SLC6A14: variants seen among roughly 807,000 people sequenced by gnomAD.
SLC6A14 encodes solute carrier family 6 member 14, also known as sodium- and chloride-dependent neutral and basic amino acid transporter B(0+).
A neutral mutation model predicts 51.4 loss-of-function variants in SLC6A14; 21 were observed. The observed-to-expected ratio is 0.41, with a 90% CI of 0.29 to 0.59. The LOEUF (loss-of-function observed/expected upper bound fraction) is 0.59, where lower values mean the gene tolerates loss of function less well. Among genes scored for constraint, SLC6A14 ranks in the 20% least tolerant of loss-of-function variants. The pLI is 0.31. For missense variants in SLC6A14, 371 were observed against 472.8 expected (o/e 0.78, Z 2.00); for synonymous variants, 177 against 160.7 (o/e 1.10, Z -0.77).
In SLC6A14 at chrX:116,457,733, T is replaced by C. The variant is rs782152212; in HGVS notation, c.1739T>C (p.Met580Thr). The C allele has an allele frequency of 1.2e-5, 15 of 1,201,418 alleles. No homozygotes were observed. Among genetic ancestry groups the C allele is most frequent in the Non-Finnish European group, 1.7e-5 (15 of 887,728 alleles). Reference protein sequence around the residue: ...IVFCIIWIPIMAIIKIIQAKG... With the variant: ...IVFCIIWIPITAIIKIIQAKG... ...TTCTGCATTATTTGGATTCCAATTA[T>C]GGCTATCATAAAAATAATTCAGGCT... Residue 580 changes from methionine (M) to threonine (T), a missense_variant, in exon 13 of 14, where the codon ATG becomes ACG. Met to Thr is a moderately conservative substitution (Grantham distance 81). Around this residue, in one of 2 missense-constraint regions of SLC6A14, gnomAD observed 94 missense variants for 81.0 expected, o/e 1.16. Transcript: ENST00000598581.
chrX:116,448,770 A>G (rs1927765565), intron 7 of SLC6A14, among the ~76,000 whole-genome samples: 1 of 111,353 alleles, frequency 9.0e-6, no homozygotes, highest in Admixed American at 9.6e-5. Context: ...GTTCCTTGAA[A>G]TCATTCTGAA....
Position 116,449,389 on chromosome X carries a change from G to C in SLC6A14, c.931-2053G>C, listed in dbSNP as rs191430301. Among the ~76,000 whole-genome samples, 15 of 111,377 alleles carry C rather than the reference G, an allele frequency of 1.3e-4. No individual in the cohort carries two copies. The East Asian group carries it at 4.2e-3, about 32-fold the overall frequency. ...CACAGGACTGCCACACCCACTTCCA[G>C]CTCCCCCTGTCACACAGGCACATGT... On this transcript the variant is annotated intron_variant, in intron 7 of 13. Transcript: ENST00000598581.
chrX:116,446,852 T>A lies in SLC6A14; in HGVS notation c.901T>A (p.Ser301Thr), dbSNP rs1556694066. Residue 301 changes from serine (S) to threonine (T), a missense_variant, in exon 7 of 14, where the codon TCA becomes ACA. By Grantham distance (58) the Ser-to-Thr change is moderately conservative (BLOSUM62 1). Around this residue, in one of 2 missense-constraint regions of SLC6A14, gnomAD observed 277 missense variants for 391.8 expected, o/e 0.71. Transcript: ENST00000598581. ...CATTTCATACTATATTGGAGCCCAG[T>A]CAAATTTTACAAAACTTAAGGAAGC... ...KGISYYIGAQ[S>T]NFTKLKEAEV... 1 of 1,207,117 alleles carries A rather than the reference T, an allele frequency of 8.3e-7. No individual in the cohort carries two copies. Among genetic ancestry groups the A allele is most frequent in the Non-Finnish European group, 1.1e-6 (1 of 893,265 alleles).
rs1556694060 is a variant in SLC6A14, at chrX:116,446,813, G to A, written c.862G>A (p.Gly288Ser). Residue 288 changes from glycine to serine, a missense_variant, in exon 7 of 14, where the codon GGT becomes AGT. Gly to Ser is a moderately conservative substitution (Grantham distance 56, BLOSUM62 0). Around this residue, in one of 2 missense-constraint regions of SLC6A14, gnomAD observed 277 missense variants for 391.8 expected, o/e 0.71. Transcript: ENST00000598581. Reference sequence around the variant, plus strand: ...GTTAGTACGAGGTGCAACTCTGGAGGGTGCTTCAAAAGGCATTTCATACTA... The same window carrying A: ...GTTAGTACGAGGTGCAACTCTGGAGAGTGCTTCAAAAGGCATTTCATACTA... ...ILLVRGATLEGASKGISYYIG... is the reference protein window; with the variant it reads ...ILLVRGATLESASKGISYYIG... 1 of 1,205,358 alleles carries A rather than the reference G, an allele frequency of 8.3e-7. No homozygotes were observed.
chrX:116,447,822 C>A, intron 7 of SLC6A14, among the ~76,000 whole-genome samples: 1 of 110,787 alleles, frequency 9.0e-6, no homozygotes, highest in South Asian at 3.8e-4. Context: ...GTCTCAAGCT[C>A]CTGACCTCAG....
At chrX:116,440,395 C>T (rs1927571177) in intron 2 of SLC6A14, among the ~76,000 whole-genome samples, 1 of 112,109 alleles carries the variant, frequency 8.9e-6, no homozygotes, top group Non-Finnish European at 1.9e-5. Flanking sequence ...ATTGCAATAG[C>T]TTACACTGTG....
intron 2 of SLC6A14, among the ~76,000 whole-genome samples, chrX:116,438,173 T>C (rs782811342): frequency 4.2e-4 from 47 of 111,642 alleles, no homozygotes; most frequent in African/African-American, 1.3e-3. Context: ...TCCTCAGGTA[T>C]AAACTTGATA....
chrX:116,440,855 G>C (rs1156600734), intron 2 of SLC6A14, 111 bp from the exon 3 acceptor site: 4 of 808,879 alleles, frequency 4.9e-6, no homozygotes, highest in Non-Finnish European at 7.0e-6. Context: ...CAAACCCAGC[G>C]CTCTTTGATT....
chrX:116,458,142 A>G (rs1927969906), intron 13 of SLC6A14, among the ~76,000 whole-genome samples: 1 of 111,493 alleles, frequency 9.0e-6, no homozygotes, highest in Non-Finnish European at 1.9e-5. Context: ...CTTTATATCC[A>G]TAGTCACTGC....
intron 4 of SLC6A14, 55 bp from the exon 5 acceptor site, chrX:116,443,588 A>T: frequency 1.2e-6 from 1 of 844,832 alleles, no homozygotes; most frequent in Non-Finnish European, 1.6e-6. Context: ...TTTCTAGGAA[A>T]GTAATCTTCT....
chrX:116,438,910 TAAGA>T lies in SLC6A14; in HGVS notation c.214+961_214+964del, dbSNP rs782295871. 1.3e-4 allele frequency among the ~76,000 whole-genome samples: 15 copies of T among 111,944 alleles called. No homozygotes were observed. In the South Asian group the frequency reaches 5.5e-3, roughly 41 times the overall value. ...ATATTCACAGTGGTCTTCAGAGACT[TAAGA>T]AAGAAGCTCTGTTTATTAAACCGTT... On this transcript the variant is annotated intron_variant, in intron 2 of 13. Coordinates refer to ENST00000598581, the MANE Select transcript of SLC6A14 (RefSeq NM_007231.5).
At position 116,460,867 on chromosome X, in the gene SLC6A14, C is replaced by T. The variant is rs1556695137; in HGVS notation, c.*1912C>T. On this transcript the variant is annotated 3_prime_UTR_variant, in exon 14 of 14. Coordinates refer to ENST00000598581, the MANE Select transcript of SLC6A14 (RefSeq NM_007231.5). ...ACAGGTGTGAGCCACCGTGCCCGGC[C>T]CATTCTAAGGGTTTTCTTTGAAGAC... 9.0e-6 allele frequency: 1 copy of T among 110,821 alleles called. No individual in the cohort carries two copies. The highest frequency in any genetic ancestry group is 3.3e-5 in the African/African-American group (1 of 30,369). 9.1% of individuals were successfully genotyped at this position (110,821 alleles called of 1,213,427 possible).
In SLC6A14 at chrX:116,458,880, T is replaced by A; in HGVS notation, c.1854T>A (p.Tyr618Ter). The change falls in exon 14 of 14, where the codon TAT becomes TAA. Residue 618 changes from tyrosine to a stop codon, truncating the protein, a stop_gained. Transcript: ENST00000598581. LOFTEE classifies it high-confidence loss of function. ...TGGAACAACATCGTGGGGAAAGATA[T>A]AAAGACATGGTAGATCCTAAAAAAG... ...PYLEQHRGER[Y>*]KDMVDPKKEA... 6 of 1,204,040 alleles carry A rather than the reference T, an allele frequency of 5.0e-6. No individual in the cohort carries two copies. The highest frequency in any genetic ancestry group is 6.7e-6 in the Non-Finnish European group (6 of 890,843).
intron 7 of SLC6A14, 91 bp downstream of exon 7, chrX:116,446,972 G>C (rs192660797): frequency 2.7e-6 from 2 of 735,673 alleles, no homozygotes; most frequent in African/African-American, 2.1e-5. Context: ...ATATCATAAT[G>C]TAATAGCTTG....
rs187270994 is a variant in SLC6A14 at position 116,455,281 on chromosome X, G to A, written c.1505-76G>A. 4 of 842,715 alleles carry A rather than the reference G, an allele frequency of 4.7e-6. No homozygotes were observed. In the Admixed American group the frequency reaches 7.3e-5, roughly 15 times the overall value. 69.4% of individuals were successfully genotyped at this position (842,715 alleles called of 1,213,427 possible). A position where few individuals can be genotyped will look rare whatever the true frequency, so the allele number is the denominator to read the frequency against. ...TGGTAGAGAAAAATGTTTAGACACA[G>A]AAAGATAATTGATGCCATAATGGTT... On this transcript the variant is annotated intron_variant, in intron 11 of 13. Coordinates refer to ENST00000598581, the MANE Select transcript of SLC6A14 (RefSeq NM_007231.5).
chrX:116,458,974 A>G lies in SLC6A14; in HGVS notation c.*19A>G. On this transcript the variant is annotated 3_prime_UTR_variant, in exon 14 of 14. Transcript: ENST00000598581. ...GGAATGAGATCTCATTGAAAAAAATATATGATTGTATAATGTGATTTTTTT... is the reference window on the plus strand; with the variant it reads ...GGAATGAGATCTCATTGAAAAAAATGTATGATTGTATAATGTGATTTTTTT... 1.7e-6 allele frequency: 2 copies of G among 1,160,159 alleles called. No homozygotes were observed. The highest frequency in any genetic ancestry group is 2.3e-6 in the Non-Finnish European group (2 of 862,341).
chrX:116,436,769 G>A lies in SLC6A14; in HGVS notation c.48+12G>A, dbSNP rs1556693312. On this transcript the variant is annotated intron_variant, in intron 1 of 13. Transcript: ENST00000598581. The stretch of plus-strand genomic sequence containing the variant: ...GCAGGGAGAAGGAGGTAGGGGTCTG[G>A]GAGCTGCGGGAGGTGTGGAGGACCT... The A allele has an allele frequency of 8.6e-7, 1 of 1,162,240 alleles. No individual in the cohort carries two copies. The highest frequency in any genetic ancestry group is 1.8e-5 in the African/African-American group (1 of 56,187).
At chrX:116,439,742 G>A (rs1445782573) in intron 2 of SLC6A14, among the ~76,000 whole-genome samples, 2 of 108,686 alleles carry the variant, frequency 1.8e-5, no homozygotes, top group African/African-American at 3.3e-5. Context: ...TTTTTTTTTC[G>A]TATTTGTCAT....
At chrX:116,449,586 T>C (rs1262184697) in intron 7 of SLC6A14, among the ~76,000 whole-genome samples, 1 of 112,302 alleles carries the variant, frequency 8.9e-6, no homozygotes, top group African/African-American at 3.2e-5. Flanking sequence ...ATTTGAAAAC[T>C]GATTCTAAAG....
Sources: gnomAD v4.1 joint callset for allele counts (sites outside exome capture counted in the v4.1 genomes callset) on GRCh38, gnomAD v4.1.1 for gene constraint, gnomAD v4.1.1 regional missense constraint, MANE v1.5 for transcripts, NCBI Gene and HGNC (gene_info 2026-07-23, HGNC 2026-07-21) for gene names.